LBH: variants seen among roughly 807,000 people sequenced by gnomAD.
LBH encodes the protein LBH regulator of Wnt signaling pathway.
A neutral mutation model predicts 12.5 loss-of-function variants in LBH; 7 were observed. That is an observed-to-expected ratio of 0.56 (90% confidence interval 0.32 to 1.05). The LOEUF (loss-of-function observed/expected upper bound fraction) is 1.05. Among genes scored for constraint, LBH ranks in the 50% least tolerant of loss-of-function variants. LBH has a pLI of 0.04. For missense variants in LBH, 119 were observed against 138.9 expected, an observed-to-expected ratio of 0.86 and a Z score of 0.72; for synonymous variants, 51 against 50.1, an observed-to-expected ratio of 1.02 and a Z score of -0.08.
chr2:30,249,529 G>T (rs1008061367), intron 2 of LBH, among the ~76,000 whole-genome samples: 3 of 152,210 alleles, frequency 2.0e-5, no homozygotes, highest in Non-Finnish European at 2.9e-5. Context: ...GAAGAGGAAG[G>T]CCTCTGGTTG....
At chr2:30,246,446 T>C (rs935381371) in intron 2 of LBH, among the ~76,000 whole-genome samples, 1 of 152,258 alleles carries the variant, frequency 6.6e-6, no homozygotes, top group African/African-American at 2.4e-5. Context: ...TTTCAAAATT[T>C]TTACTTATTC....
chr2:30,250,973 A>C (rs9798481), intron 2 of LBH, among the ~76,000 whole-genome samples: 74,623 of 151,122 alleles, frequency 0.49, 19,059 homozygotes, highest in Admixed American at 0.61. Context: ...TATAGTATAT[A>C]ATATAAATTT....
At chr2:30,254,484 A>T (rs1478138084) in intron 2 of LBH, among the ~76,000 whole-genome samples, 1 of 152,140 alleles carries the variant, frequency 6.6e-6, no homozygotes, top group Non-Finnish European at 1.5e-5. Flanking sequence ...GAAAAATTTC[A>T]TCCATCATCA....
At chr2:30,232,415 G>C (rs1677607111) in intron 1 of LBH, 1 of 693,668 alleles carries the variant, frequency 1.4e-6, no homozygotes, top group Admixed American at 3.6e-5. Flanking sequence ...GAAGGAGCCC[G>C]GGCCGGGCGC....
intron 2 of LBH, among the ~76,000 whole-genome samples, chr2:30,250,342 T>A (rs761493417): frequency 3.9e-5 from 6 of 151,988 alleles, no homozygotes; most frequent in Non-Finnish European, 5.9e-5. Context: ...TCCAGGCTCC[T>A]GAGGTCTCAG....
At chr2:30,257,340 C>A in intron 2 of LBH, 93 bp from the exon 3 acceptor site, 1 of 1,396,068 alleles carries the variant, frequency 7.2e-7, no homozygotes, top group Non-Finnish European at 1.0e-6. Flanking sequence ...CTATGGCATG[C>A]ACCCAGTATG....
At chr2:30,240,498 T>A (rs1182647226) in intron 2 of LBH, among the ~76,000 whole-genome samples, 3 of 152,172 alleles carry the variant, frequency 2.0e-5, no homozygotes, top group African/African-American at 7.2e-5. Flanking sequence ...GCTTCATTCC[T>A]TCCCAGTCTA....
intron 2 of LBH, among the ~76,000 whole-genome samples, chr2:30,248,143 A>G (rs1007465982): frequency 1.3e-5 from 2 of 152,214 alleles, no homozygotes; most frequent in South Asian, 2.1e-4. Flanking sequence ...ACCTCTAGGA[A>G]TATAGCCCTA....
At chr2:30,234,293 CCT>C in intron 1 of LBH, 110 bp from the exon 2 acceptor site, 2 of 842,860 alleles carry the variant, frequency 2.4e-6, no homozygotes, top group Admixed American at 1.9e-5. Flanking sequence ...GTTTTGAACA[CCT>C]CTCTTCCTGT....
chr2:30,250,168 G>A (rs770182068), intron 2 of LBH, among the ~76,000 whole-genome samples: 6 of 152,274 alleles, frequency 3.9e-5, no homozygotes, highest in Non-Finnish European at 8.8e-5. Context: ...TGGGCTGATT[G>A]TTCTTACTTC....
At chr2:30,257,302 C>G (rs1678102429) in intron 2 of LBH, 131 bp from the exon 3 acceptor site, 2 of 934,790 alleles carry the variant, frequency 2.1e-6, no homozygotes, top group Admixed American at 4.2e-5. Context: ...ACTCCACAGC[C>G]TCCCGAGTGC....
chr2:30,243,696 G>A (rs1308803486), intron 2 of LBH, among the ~76,000 whole-genome samples: 1 of 151,908 alleles, frequency 6.6e-6, no homozygotes, highest in Non-Finnish European at 1.5e-5. Flanking sequence ...TGCCCAGCTA[G>A]TTTTTGCATT....
At chr2:30,237,945 G>A (rs1381942235) in intron 2 of LBH, among the ~76,000 whole-genome samples, 1 of 152,162 alleles carries the variant, frequency 6.6e-6, no homozygotes, top group African/African-American at 2.4e-5. Context: ...GTCTCCAGCA[G>A]GATGTTGATG....
chr2:30,241,460 CT>C lies in LBH; in HGVS notation c.129+6969del, dbSNP rs777223190. On this transcript the variant is annotated intron_variant, in intron 2 of 2. Coordinates refer to ENST00000395323, the MANE Select transcript of LBH (RefSeq NM_030915.4). ...ATTTCTATTTTTATTTTCTTTCTTTCTTTTTTTTTTTTTTTTGAGATGGTAT... is the reference window on the plus strand; with the variant it reads ...ATTTCTATTTTTATTTTCTTTCTTTCTTTTTTTTTTTTTTTGAGATGGTAT... Among the ~76,000 whole-genome samples the C allele has an allele frequency of 5.3e-3, 701 of 132,588 alleles. 2 individuals are homozygous for C. Among genetic ancestry groups the C allele is most frequent in the Admixed American group, 6.8e-3 (83 of 12,192 alleles). 87.0% of individuals were successfully genotyped at this position (132,588 alleles called of 152,430 possible). A position where few individuals can be genotyped will look rare whatever the true frequency, so the allele number is the denominator to read the frequency against.
chr2:30,237,056 G>A (rs1170668000), intron 2 of LBH, among the ~76,000 whole-genome samples: 2 of 152,196 alleles, frequency 1.3e-5, no homozygotes, highest in East Asian at 3.9e-4. Flanking sequence ...CTGGGGATTG[G>A]CTGGGACTGG....
chr2:30,232,251 G>GCC, intron 1 of LBH: 2 of 488,922 alleles, frequency 4.1e-6, no homozygotes, highest in Non-Finnish European at 7.4e-6. Context: ...TGGGGGGCGG[G>GCC]AAACGCTCTC....
intron 2 of LBH, among the ~76,000 whole-genome samples, chr2:30,255,012 T>C (rs1406524990): frequency 1.3e-5 from 2 of 152,258 alleles, no homozygotes; most frequent in Non-Finnish European, 2.9e-5. Context: ...TAATCCATTT[T>C]CCAGAAGGCT....
chr2:30,243,256 G>A (rs1677818990), intron 2 of LBH, among the ~76,000 whole-genome samples: 1 of 152,210 alleles, frequency 6.6e-6, no homozygotes, highest in Non-Finnish European at 1.5e-5. Context: ...TTGTCCCCTA[G>A]TAGGTACACT....
intron 1 of LBH, among the ~76,000 whole-genome samples, chr2:30,234,080 CTG>C (rs1045020508): frequency 2.6e-5 from 4 of 152,202 alleles, no homozygotes; most frequent in African/African-American, 9.7e-5. Context: ...CAGCTACCTA[CTG>C]TTTTGGTTTC....
Sources: allele counts gnomAD v4.1 joint callset (sites outside exome capture counted in the v4.1 genomes callset), GRCh38; gene constraint gnomAD v4.1.1; transcripts MANE v1.5; gene names NCBI Gene and HGNC (gene_info 2026-07-23, HGNC 2026-07-21).